C2orf68: variants seen among roughly 807,000 people sequenced by gnomAD.
The protein encoded by C2orf68 is UPF0561 protein C2orf68.
A neutral mutation model predicts 19.1 loss-of-function variants in C2orf68; 15 were observed. The ratio of observed to expected loss-of-function variants is 0.79; its 90% CI spans 0.53 to 1.21. The LOEUF (loss-of-function observed/expected upper bound fraction) is 1.21, where lower values mean the gene tolerates loss of function less well. Among genes scored for constraint, C2orf68 ranks in the 50% most tolerant of loss-of-function variants. C2orf68 has a pLI of 0.00. For missense variants in C2orf68, 242 were observed against 226.6 expected (o/e 1.07, Z -0.44); for synonymous variants, 98 against 91.0 (o/e 1.08, Z -0.44).
Position 85,612,010 on chromosome 2 carries a change from G to T in C2orf68, c.-26C>A. The T allele has an allele frequency of 6.8e-7, 1 of 1,468,088 alleles. No homozygotes were observed. The highest frequency in any genetic ancestry group is 9.0e-7 in the Non-Finnish European group (1 of 1,111,836). 90.9% of individuals were successfully genotyped at this position (1,468,088 alleles called of 1,614,324 possible). On this transcript the variant is annotated 5_prime_UTR_variant, in exon 1 of 4. Coordinates refer to ENST00000306336, the MANE Select transcript of C2orf68 (RefSeq NM_001013649.4). ...CAGGAGCCGGGGACGCAGAGTCGCC[G>T]CCGCCTCGACGGCCCCAACAACAGC...
chr2:85,609,326 A>G (rs1673353498), intron 3 of C2orf68, 109 bp downstream of exon 3: 1 of 1,462,368 alleles, frequency 6.8e-7, no homozygotes, highest in Non-Finnish European at 9.3e-7. Context: ...TCACATGTGG[A>G]GCAGACGCTT....
chr2:85,608,884 C>G lies in C2orf68; in HGVS notation c.*61G>C. The G allele has an allele frequency of 6.3e-7, 1 of 1,596,572 alleles. No individual in the cohort carries two copies. Among genetic ancestry groups the G allele is most frequent in the South Asian group, 1.1e-5 (1 of 89,176 alleles). ...GGTCCTGGTACCCCCACACTAAATT[C>G]CCTGGGCAGAATTCTTCCGAGTGCA... On this transcript the variant is annotated 3_prime_UTR_variant, in exon 4 of 4. Transcript: ENST00000306336.
chr2:85,608,759 G>A lies in C2orf68; in HGVS notation c.*186C>T, dbSNP rs1673316043. On this transcript the variant is annotated 3_prime_UTR_variant, in exon 4 of 4. Transcript: ENST00000306336. ...TCCAGAATATCAGGCTGGGCAAATG[G>A]GTCAACATATAAGAAAGAATGACTG... The A allele has an allele frequency of 2.1e-6, 1 of 475,628 alleles. No individual in the cohort carries two copies. The highest frequency in any genetic ancestry group is 5.2e-5 in the South Asian group (1 of 19,398). 29.5% of individuals were successfully genotyped at this position (475,628 alleles called of 1,614,324 possible). A position where few individuals can be genotyped will look rare whatever the true frequency, so the allele number is the denominator to read the frequency against.
chr2:85,609,457 A>C lies in C2orf68; in HGVS notation c.356T>G (p.Val119Gly), dbSNP rs1573373325. ...TACCTGATAGACGATAACTGATGTGACCTCTCCACTGTCTGCCTCGTATTC... is the reference window on the plus strand; with the variant it reads ...TACCTGATAGACGATAACTGATGTGCCCTCTCCACTGTCTGCCTCGTATTC... Reference protein sequence around the residue: ...CLEYEADSGEVTSVIVYQGDD... With the variant: ...CLEYEADSGEGTSVIVYQGDD... Residue 119 changes from valine (V) to glycine (G), a missense_variant, in exon 3 of 4, where the codon GTC becomes GGC. Physicochemically the swap from Val to Gly is moderately radical, Grantham distance 109. Coordinates refer to ENST00000306336, the MANE Select transcript of C2orf68 (RefSeq NM_001013649.4). The C allele has an allele frequency of 1.2e-6, 2 of 1,613,954 alleles. No individual in the cohort carries two copies. The highest frequency in any genetic ancestry group is 1.7e-6 in the Non-Finnish European group (2 of 1,180,004).
At chr2:85,609,157 T>C (rs1318516935) in intron 3 of C2orf68, 90 bp from the exon 4 acceptor site, 6 of 1,532,616 alleles carry the variant, frequency 3.9e-6, no homozygotes, top group Non-Finnish European at 5.3e-6. Context: ...CAGAACTCCA[T>C]TTAGCTCAAG....
At chr2:85,611,843 A>C in intron 1 of C2orf68, 35 bp downstream of exon 1, 1 of 1,601,516 alleles carries the variant, frequency 6.2e-7, no homozygotes, top group Non-Finnish European at 8.5e-7. Context: ...CCAGGCCAGG[A>C]GTGGTGGCGG....
At chr2:85,609,835 C>G (rs1205422740) in intron 2 of C2orf68, among the ~76,000 whole-genome samples, 1 of 151,946 alleles carries the variant, frequency 6.6e-6, no homozygotes, top group African/African-American at 2.4e-5. Flanking sequence ...CAAGTGCCAC[C>G]ACATCCAGCT....
chr2:85,609,906 C>G (rs1673398064), intron 2 of C2orf68, among the ~76,000 whole-genome samples: 2 of 152,002 alleles, frequency 1.3e-5, no homozygotes, highest in African/African-American at 4.8e-5. Flanking sequence ...GTCTCAAACT[C>G]CTGACCTCAG....
Position 85,608,887 on chromosome 2 carries a change from T to G in C2orf68, c.*58A>C. 1 of 1,598,962 alleles carries G rather than the reference T, an allele frequency of 6.3e-7. No individual in the cohort carries two copies. The highest frequency in any genetic ancestry group is 8.6e-7 in the Non-Finnish European group (1 of 1,169,272). On this transcript the variant is annotated 3_prime_UTR_variant, in exon 4 of 4. Transcript: ENST00000306336. ...CCTGGTACCCCCACACTAAATTCCC[T>G]GGGCAGAATTCTTCCGAGTGCAGTG... is the stretch of plus-strand genomic sequence containing the variant.
intron 1 of C2orf68, 27 bp from the exon 2 acceptor site, chr2:85,611,813 G>T: frequency 1.2e-6 from 2 of 1,608,964 alleles, no homozygotes; most frequent in Non-Finnish European, 1.7e-6. Flanking sequence ...GGGAGTCAGG[G>T]ACTGTCGGGC....
intron 1 of C2orf68, 29 bp from the exon 2 acceptor site, chr2:85,611,815 C>T: frequency 4.4e-6 from 7 of 1,608,704 alleles, no homozygotes; most frequent in Non-Finnish European, 5.9e-6. Context: ...GAGTCAGGGA[C>T]TGTCGGGCCG....
At chr2:85,611,355 C>G in intron 2 of C2orf68, 13 of 1,442,464 alleles carry the variant, frequency 9.0e-6, no homozygotes, top group Non-Finnish European at 1.1e-5. Flanking sequence ...TCGCTCATCG[C>G]TGTGCCAGAC....
rs1326567939 is a variant in C2orf68 at position 85,609,027 on chromosome 2, T to G, written c.419A>C (p.His140Pro). 6.2e-7 allele frequency: 1 copy of G among 1,614,264 alleles called. No homozygotes were observed. The highest frequency in any genetic ancestry group is 8.5e-7 in the Non-Finnish European group (1 of 1,180,048). The change falls in exon 4 of 4, where the codon CAC becomes CCC. Residue 140 changes from histidine to proline, a missense_variant. Physicochemically the swap from His to Pro is moderately conservative, Grantham distance 77. Coordinates refer to ENST00000306336, the MANE Select transcript of C2orf68 (RefSeq NM_001013649.4). ...TCGCATGGGTGGATCCAGAGGCGTG[T>G]GTGCCGACACCTTCTCACTCACCTT... ...PGKVSEKVSAHTPLDPPMREA... is the reference protein window; with the variant it reads ...PGKVSEKVSAPTPLDPPMREA...
At position 85,606,490 on chromosome 2, in the gene C2orf68, T is replaced by G. The variant is rs1195974603; in HGVS notation, c.*2455A>C. On this transcript the variant is annotated 3_prime_UTR_variant, in exon 4 of 4. Coordinates refer to ENST00000306336, the MANE Select transcript of C2orf68 (RefSeq NM_001013649.4). Reference sequence around the variant, plus strand: ...GCTGTTAACTGGCTAAGGGCCATCCTTGGGCAGGCATTTCAGACACATCTG... The same window carrying G: ...GCTGTTAACTGGCTAAGGGCCATCCGTGGGCAGGCATTTCAGACACATCTG... 6.6e-6 allele frequency among the ~76,000 whole-genome samples: 1 copy of G among 152,232 alleles called. No homozygotes were observed. Among genetic ancestry groups the G allele is most frequent in the Non-Finnish European group, 1.5e-5 (1 of 68,042 alleles).
rs1237243726 is a variant in C2orf68 at position 85,609,469 on chromosome 2, T to A, written c.344A>T (p.Asp115Val). 1 of 1,614,200 alleles carries A rather than the reference T, an allele frequency of 6.2e-7. No homozygotes were observed. Among genetic ancestry groups the A allele is most frequent in the Non-Finnish European group, 8.5e-7 (1 of 1,180,042 alleles). Residue 115 changes from aspartate to valine, a missense_variant, in exon 3 of 4, where the codon GAC becomes GTC. Coordinates refer to ENST00000306336, the MANE Select transcript of C2orf68 (RefSeq NM_001013649.4). ...GATAACTGATGTGACCTCTCCACTG[T>A]CTGCCTCGTATTCTAAGCAGAAGAG... is the stretch of plus-strand genomic sequence containing the variant. ...HQLFCLEYEA[D>V]SGEVTSVIVY...
Position 85,607,748 on chromosome 2 carries a change from T to A in C2orf68, c.*1197A>T, listed in dbSNP as rs1453130263. On this transcript the variant is annotated 3_prime_UTR_variant, in exon 4 of 4. Coordinates refer to ENST00000306336, the MANE Select transcript of C2orf68 (RefSeq NM_001013649.4). ...CTCAGTTCTCAAAGGCTTAAAGCCA[T>A]ATTTCAAGGCACTGAGGTTAGGCTG... is the stretch of plus-strand genomic sequence containing the variant. The A allele has an allele frequency of 1.3e-5, 2 of 152,188 alleles. No individual in the cohort carries two copies. Among genetic ancestry groups the A allele is most frequent in the African/African-American group, 4.8e-5 (2 of 41,442 alleles). 9.4% of individuals were successfully genotyped at this position (152,188 alleles called of 1,614,324 possible).
rs776225801 is a variant in C2orf68 at position 85,611,996 on chromosome 2, G to A, written c.-12C>T. 4.6e-6 allele frequency: 7 copies of A among 1,513,240 alleles called. No individual in the cohort carries two copies. In the East Asian group the frequency reaches 1.7e-4, roughly 36 times the overall value. 93.7% of individuals were successfully genotyped at this position (1,513,240 alleles called of 1,614,324 possible). Reference sequence around the variant, plus strand: ...GGCCCCGCCTCCATCAGGAGCCGGGGACGCAGAGTCGCCGCCGCCTCGACG... The same window carrying A: ...GGCCCCGCCTCCATCAGGAGCCGGGAACGCAGAGTCGCCGCCGCCTCGACG... On this transcript the variant is annotated 5_prime_UTR_variant, in exon 1 of 4. Coordinates refer to ENST00000306336, the MANE Select transcript of C2orf68 (RefSeq NM_001013649.4).
In C2orf68 at chr2:85,609,698, T is replaced by C; in HGVS notation, c.227-112A>G. The stretch of plus-strand genomic sequence containing the variant: ...TAGGAAAGCCCCAGTCTTCTTTTTT[T>C]TGAGACGAAGTCTCACTCTGTCGCC... On this transcript the variant is annotated intron_variant, in intron 2 of 3. Coordinates refer to ENST00000306336, the MANE Select transcript of C2orf68 (RefSeq NM_001013649.4). The C allele has an allele frequency of 4.3e-6, 6 of 1,400,046 alleles. No individual in the cohort carries two copies. In the South Asian group the frequency reaches 8.1e-5, roughly 19 times the overall value. The allele number at this position is 1,400,046 out of a possible 1,614,324, so 86.7% of individuals were successfully genotyped here. A position where few individuals can be genotyped will look rare whatever the true frequency, so the allele number is the denominator to read the frequency against.
chr2:85,611,750 C>T lies in C2orf68; in HGVS notation c.144G>A (p.Lys48=). ...GCGTGTGCCGCCTCCTCACCTTCTC[C>T]TTGGCCGCCTGCTTCACCTTCTTGT... The part of the protein sequence containing the change: ...DYDKKVKQAA[K]EKVRRRHTPA... Residue 48 remains lysine, a synonymous_variant, in exon 2 of 4, where the codon AAG becomes AAA. Transcript: ENST00000306336. 1 of 1,611,860 alleles carries T rather than the reference C, an allele frequency of 6.2e-7. No homozygotes were observed. The highest frequency in any genetic ancestry group is 1.1e-5 in the South Asian group (1 of 90,922).
Sources: allele counts gnomAD v4.1 joint callset (sites outside exome capture counted in the v4.1 genomes callset), GRCh38; gene constraint gnomAD v4.1.1; transcripts MANE v1.5; gene names NCBI Gene and HGNC (gene_info 2026-07-23, HGNC 2026-07-21).